Variants in RERE observed in about 807,000 individuals in gnomAD.
RERE encodes arginine-glutamic acid dipeptide repeats, also known as arginine-glutamic acid dipeptide repeats protein.
RERE carries 40 observed loss-of-function variants against 146.1 expected under a neutral mutation model. The ratio of observed to expected loss-of-function variants is 0.27; its 90% CI spans 0.21 to 0.36. The LOEUF (loss-of-function observed/expected upper bound fraction) is 0.36, where lower values mean the gene tolerates loss of function less well. Ranked by LOEUF, RERE falls within the 10% of genes least tolerant of loss-of-function variation. The pLI is 1.00. For missense variants in RERE, 1,933 were observed against 2,138.7 expected (o/e 0.90, Z 1.90); for synonymous variants, 1,003 against 866.0 (o/e 1.16, Z -2.78).
intron 1 of RERE, among the ~76,000 whole-genome samples, chr1:8,687,694 A>G (rs1369338900): frequency 6.6e-6 from 1 of 152,230 alleles, no homozygotes; most frequent in Non-Finnish European, 1.5e-5. Flanking sequence ...TTCACACCAT[A>G]TTCATAATTG....
chr1:8,506,581 T>A (rs1214264558), intron 8 of RERE, among the ~76,000 whole-genome samples: 1 of 152,254 alleles, frequency 6.6e-6, no homozygotes, highest in Non-Finnish European at 1.5e-5. Flanking sequence ...CTGTATCCCA[T>A]GTCTTTAGAC....
intron 12 of RERE, among the ~76,000 whole-genome samples, chr1:8,395,531 G>A (rs1014818638): frequency 6.6e-6 from 1 of 151,332 alleles, no homozygotes; most frequent in Non-Finnish European, 1.5e-5. Flanking sequence ...GCATAAAAAA[G>A]GAACCTCTCC....
chr1:8,747,418 G>A (rs984380250), intron 1 of RERE, among the ~76,000 whole-genome samples: 1 of 152,032 alleles, frequency 6.6e-6, no homozygotes, highest in Non-Finnish European at 1.5e-5. Flanking sequence ...GAACCTGCTA[G>A]GGTAACCAGG....
At position 8,559,554 on chromosome 1, in the gene RERE, G is replaced by A. The variant is rs980490951; in HGVS notation, c.523-2031C>T. 2.6e-4 allele frequency among the ~76,000 whole-genome samples: 40 copies of A among 151,990 alleles called. 1 individual carries two copies. Among genetic ancestry groups the A allele is most frequent in the Non-Finnish European group, 1.2e-4 (8 of 68,006 alleles). ...GTTTATGCTTCAGATGGGAAAAAGA[G>A]GACATACCAGTATGTTAAATAAATA... On this transcript the variant is annotated intron_variant, in intron 4 of 22. Transcript: ENST00000400908.
intron 12 of RERE, among the ~76,000 whole-genome samples, chr1:8,379,200 A>T: frequency 6.6e-6 from 1 of 152,054 alleles, no homozygotes; most frequent in African/African-American, 2.4e-5. Flanking sequence ...CAGAACACAA[A>T]GGAAGAACCC....
At chr1:8,708,982 G>A (rs566894636) in intron 1 of RERE, among the ~76,000 whole-genome samples, 1 of 131,398 alleles carries the variant, frequency 7.6e-6, no homozygotes, top group Non-Finnish European at 1.5e-5. Flanking sequence ...GTGCAATCTC[G>A]GCTCACTGCA....
intron 1 of RERE, among the ~76,000 whole-genome samples, chr1:8,794,125 C>T (rs377354678): frequency 1.6e-4 from 23 of 147,328 alleles, no homozygotes; most frequent in Non-Finnish European, 3.4e-4. Flanking sequence ...AGGCTGGGCG[C>T]GGTGGCTCAT....
At chr1:8,516,370 C>T (rs2124326759) in intron 7 of RERE, among the ~76,000 whole-genome samples, 1 of 152,044 alleles carries the variant, frequency 6.6e-6, no homozygotes, top group South Asian at 2.1e-4. Context: ...CTCTATGAGG[C>T]AGTATCTCCA....
chr1:8,385,275 CTTGA>C (rs1416340037), intron 12 of RERE, among the ~76,000 whole-genome samples: 4 of 152,158 alleles, frequency 2.6e-5, no homozygotes, highest in African/African-American at 9.7e-5. Flanking sequence ...TAACAAATAA[CTTGA>C]TTATTAACTT....
chr1:8,642,579 G>A (rs1185305428), intron 2 of RERE, among the ~76,000 whole-genome samples: 2 of 152,156 alleles, frequency 1.3e-5, no homozygotes, highest in African/African-American at 4.8e-5. Flanking sequence ...AAGCTTAAAT[G>A]TTGAAGATAT....
At chr1:8,588,112 G>C (rs2124089405) in intron 4 of RERE, among the ~76,000 whole-genome samples, 1 of 152,242 alleles carries the variant, frequency 6.6e-6, no homozygotes, top group South Asian at 2.1e-4. Flanking sequence ...CTCCCTTCAT[G>C]GAGCTGGCCA....
At chr1:8,703,145 G>C (rs1174096730) in intron 1 of RERE, 1 of 152,146 alleles carries the variant, frequency 6.6e-6, no homozygotes, top group Non-Finnish European at 1.5e-5. Context: ...CGCGGAAAGG[G>C]GCGGCGCAGG....
intron 4 of RERE, among the ~76,000 whole-genome samples, chr1:8,607,530 A>ATTTTTTTTTTTTTT (rs1646732347): frequency 8.7e-5 from 5 of 57,580 alleles, no homozygotes; most frequent in South Asian, 4.9e-4. Context: ...TTTTATATAT[A>ATTTTTTTTTTTTTT]TTTCTTTTTT....
At chr1:8,481,813 T>G (rs984729680) in intron 10 of RERE, among the ~76,000 whole-genome samples, 6 of 152,134 alleles carry the variant, frequency 3.9e-5, no homozygotes, top group Non-Finnish European at 7.4e-5. Flanking sequence ...ATAACAAGAT[T>G]ACAACACAGG....
At chr1:8,536,962 G>A (rs778412729) in intron 7 of RERE, among the ~76,000 whole-genome samples, 2 of 152,114 alleles carry the variant, frequency 1.3e-5, no homozygotes, top group Non-Finnish European at 2.9e-5. Context: ...CAGCACTTTG[G>A]GAAGCTGAGG....
intron 7 of RERE, among the ~76,000 whole-genome samples, chr1:8,532,050 G>A (rs987389434): frequency 2.0e-5 from 3 of 152,046 alleles, no homozygotes; most frequent in Admixed American, 6.5e-5. Flanking sequence ...ACATACATAC[G>A]CTATGTATCC....
At chr1:8,381,053 C>T (rs1166127922) in intron 12 of RERE, 2 of 456,174 alleles carry the variant, frequency 4.4e-6, no homozygotes. Flanking sequence ...CTGGTTGCTG[C>T]TGGCCCACCC....
At chr1:8,632,942 A>G (rs964165980) in intron 2 of RERE, among the ~76,000 whole-genome samples, 13 of 152,238 alleles carry the variant, frequency 8.5e-5, no homozygotes, top group African/African-American at 2.4e-4. Flanking sequence ...ATTAAAAGAC[A>G]TTTTTAAAAA....
intron 1 of RERE, among the ~76,000 whole-genome samples, chr1:8,800,231 C>T (rs760437516): frequency 1.4e-5 from 2 of 144,878 alleles, no homozygotes; most frequent in Non-Finnish European, 3.0e-5. Context: ...TGCACTCCAG[C>T]ATGGGCTACA....
Sources: allele counts gnomAD v4.1 joint callset (sites outside exome capture counted in the v4.1 genomes callset), GRCh38; gene constraint gnomAD v4.1.1; transcripts MANE v1.5; gene names NCBI Gene and HGNC (gene_info 2026-07-23, HGNC 2026-07-21).